DAB1: variants seen among roughly 807,000 people sequenced by gnomAD.
The protein encoded by DAB1 is disabled homolog 1.
DAB1 carries 15 observed loss-of-function variants against 64.6 expected under a neutral mutation model. The ratio of observed to expected loss-of-function variants is 0.23; its 90% CI spans 0.16 to 0.36. The LOEUF (loss-of-function observed/expected upper bound fraction) is 0.36, where lower values mean the gene tolerates loss of function less well. Ranked by LOEUF, DAB1 falls within the 10% of genes least tolerant of loss-of-function variation. The pLI, the probability that DAB1 is intolerant of heterozygous loss-of-function variation, is 1.00. For missense variants in DAB1, 596 were observed against 706.7 expected, an observed-to-expected ratio of 0.84 and a Z score of 1.78; for synonymous variants, 235 against 251.9, an observed-to-expected ratio of 0.93 and a Z score of 0.64.
chr1:58,120,380 C>T (rs189792113), intron 5 of DAB1, among the ~76,000 whole-genome samples: 24 of 152,180 alleles, frequency 1.6e-4, no homozygotes, highest in East Asian at 1.2e-3. Flanking sequence ...TTCATTACAA[C>T]GAAGAAGAGA....
At position 57,329,085 on chromosome 1, in the gene DAB1, C is replaced by T. The variant is rs139131303; in HGVS notation, c.-136-37919G>A. Among the ~76,000 whole-genome samples the T allele has an allele frequency of 5.9e-3, 897 of 152,314 alleles. 9 individuals are homozygous for T. Among genetic ancestry groups the T allele is most frequent in the African/African-American group, 0.021 (854 of 41,552 alleles). On this transcript the variant is annotated intron_variant, in intron 1 of 14. Coordinates refer to ENST00000371236, the MANE Select transcript of DAB1 (RefSeq NM_001365792.1). The stretch of plus-strand genomic sequence containing the variant: ...CCCATTTCTATAACTCTATAATTCA[C>T]ATGCTACATTCATTCCACAATCCTC...
chr1:57,891,451 G>A (rs958180714), intron 5 of DAB1, among the ~76,000 whole-genome samples: 1 of 152,184 alleles, frequency 6.6e-6, no homozygotes, highest in Non-Finnish European at 1.5e-5. Flanking sequence ...AAAGTGTGGT[G>A]ATTGCTCAAA....
chr1:57,170,888 A>G (rs986595052), intron 2 of DAB1, among the ~76,000 whole-genome samples: 1 of 152,176 alleles, frequency 6.6e-6, no homozygotes, highest in Non-Finnish European at 1.5e-5. Context: ...CAAAAATCCA[A>G]TCTCTGCTGG....
intron 6 of DAB1, among the ~76,000 whole-genome samples, chr1:57,802,891 C>G (rs1465521374): frequency 6.6e-6 from 1 of 152,192 alleles, no homozygotes; most frequent in African/African-American, 2.4e-5. Context: ...GATTAACAGT[C>G]TGTCATGGTT....
chr1:57,117,181 G>A (rs1656213182), intron 4 of DAB1, among the ~76,000 whole-genome samples: 2 of 152,060 alleles, frequency 1.3e-5, no homozygotes, highest in South Asian at 2.1e-4. Flanking sequence ...GAAAAGTAGG[G>A]TTTTTTTACA....
At chr1:58,151,921 C>A (rs1161387204) in intron 4 of DAB1, among the ~76,000 whole-genome samples, 1 of 152,144 alleles carries the variant, frequency 6.6e-6, no homozygotes, top group Non-Finnish European at 1.5e-5. Flanking sequence ...CTTCTTGAGC[C>A]AGGTTCTGAA....
chr1:57,622,721 T>A (rs1407502614), intron 7 of DAB1, among the ~76,000 whole-genome samples: 1 of 152,226 alleles, frequency 6.6e-6, no homozygotes, highest in Non-Finnish European at 1.5e-5. Flanking sequence ...AGCATTTTGC[T>A]GCTCCATCGC....
intron 4 of DAB1, among the ~76,000 whole-genome samples, chr1:58,246,883 T>A (rs1660561769): frequency 6.6e-6 from 1 of 151,780 alleles, no homozygotes; most frequent in Non-Finnish European, 1.5e-5. Context: ...GGTGTGTGGG[T>A]GTGAGGGTAG....
At chr1:57,766,335 C>G (rs1223609742) in intron 6 of DAB1, among the ~76,000 whole-genome samples, 1 of 151,726 alleles carries the variant, frequency 6.6e-6, no homozygotes, top group East Asian at 1.9e-4. Context: ...TCCTTCATTC[C>G]TCTGCCCAGC....
chr1:58,330,658 C>T (rs1662949201), intron 4 of DAB1, among the ~76,000 whole-genome samples: 2 of 152,136 alleles, frequency 1.3e-5, no homozygotes, highest in Admixed American at 1.3e-4. Context: ...TTTGGCATCC[C>T]AAAAGTCCTA....
At chr1:57,768,093 C>T (rs918153297) in intron 6 of DAB1, among the ~76,000 whole-genome samples, 1 of 145,322 alleles carries the variant, frequency 6.9e-6, no homozygotes, top group Non-Finnish European at 1.5e-5. Context: ...AGGAGAATTG[C>T]TTGAACCTGG....
Position 57,912,645 on chromosome 1 carries a change from G to A in DAB1, n.388-28483C>T, listed in dbSNP as rs1302754306. On this transcript the variant is annotated intron_variant and non_coding_transcript_variant, in intron 5 of 20. Coordinates refer to the DAB1 transcript ENST00000485760. ...GGGTATTCAACTAGGAAAAGAGGAA[G>A]TCAAATTGTCCCTGTTTGCAGATGA... Among the ~76,000 whole-genome samples, 4 of 152,168 alleles carry A rather than the reference G, an allele frequency of 2.6e-5. No homozygotes were observed. The South Asian group carries it at 8.3e-4, about 32-fold the overall frequency.
At chr1:57,888,387 G>A (rs1208020655), upstream of DAB1, among the ~76,000 whole-genome samples, 4 of 151,998 alleles carry the variant, frequency 2.6e-5, no homozygotes, top group Non-Finnish European at 4.4e-5. Flanking sequence ...ACAAGCCCTC[G>A]ATTCCACTGT....
At chr1:57,422,756 C>T (rs761043387) in intron 1 of DAB1, among the ~76,000 whole-genome samples, 2 of 152,192 alleles carry the variant, frequency 1.3e-5, no homozygotes, top group Non-Finnish European at 2.9e-5. Flanking sequence ...GTGAAACGTA[C>T]ACAGTCTGGC....
chr1:57,907,840 TTACA>T (rs72407623), intron 5 of DAB1, among the ~76,000 whole-genome samples: 64,425 of 150,008 alleles, frequency 0.43, 14,858 homozygotes, highest in African/African-American at 0.6. Flanking sequence ...TCAGAGAGCA[TTACA>T]TAAACCTAGA....
At chr1:57,580,073 C>T (rs1645295473) in intron 7 of DAB1, among the ~76,000 whole-genome samples, 1 of 151,984 alleles carries the variant, frequency 6.6e-6, no homozygotes, top group Non-Finnish European at 1.5e-5. Flanking sequence ...CCAACGTGCT[C>T]TGTAGCACAG....
intron 5 of DAB1, among the ~76,000 whole-genome samples, chr1:58,051,995 G>C (rs1417662506): frequency 6.6e-6 from 1 of 152,094 alleles, no homozygotes; most frequent in Non-Finnish European, 1.5e-5. Flanking sequence ...TCTGTAGGTT[G>C]CCTGTTCACT....
intron 6 of DAB1, among the ~76,000 whole-genome samples, chr1:57,750,893 C>A (rs955570584): frequency 6.6e-6 from 1 of 152,198 alleles, no homozygotes; most frequent in East Asian, 1.9e-4. Flanking sequence ...GTTCTAGCCA[C>A]ACGAACTCCT....
intron 6 of DAB1, among the ~76,000 whole-genome samples, chr1:57,691,700 A>C (rs577462415): frequency 1.3e-4 from 20 of 152,232 alleles, no homozygotes; most frequent in Non-Finnish European, 1.9e-4. Flanking sequence ...TGTAACACTC[A>C]CTGCGAAGGT....
Sources: allele counts gnomAD v4.1 joint callset (sites outside exome capture counted in the v4.1 genomes callset), GRCh38; gene constraint gnomAD v4.1.1; transcripts MANE v1.5; gene names NCBI Gene and HGNC (gene_info 2026-07-23, HGNC 2026-07-21).